The following LYPD6B variants were observed in gnomAD, a reference collection of about 807,000 sequenced individuals.
The protein encoded by LYPD6B is ly6/PLAUR domain-containing protein 6B.
Under a neutral mutation model 22.8 loss-of-function variants are expected in LYPD6B, and 17 were observed. The ratio of observed to expected loss-of-function variants is 0.75; its 90% confidence interval spans 0.51 to 1.12. LYPD6B has a LOEUF of 1.12. LYPD6B is among the 50% of genes most tolerant of loss of function. The probability of loss-of-function intolerance (pLI) is 0.00; values close to 1 mark genes in which losing one functional copy is unlikely to be tolerated. For synonymous variants in LYPD6B, 106 were observed against 91.6 expected, an observed-to-expected ratio of 1.16 and a Z score of -0.90; for missense variants, 221 against 258.3, an observed-to-expected ratio of 0.86 and a Z score of 0.99.
chr2:149,171,891 T>G (rs187113085), intron 3 of LYPD6B, among the ~76,000 whole-genome samples: 4 of 152,276 alleles, frequency 2.6e-5, no homozygotes, highest in African/African-American at 9.6e-5. Flanking sequence ...CATCCTGAAT[T>G]GCATGTCTTC....
chr2:149,113,932 G>A (rs527439207), intron 1 of LYPD6B, among the ~76,000 whole-genome samples: 4 of 152,092 alleles, frequency 2.6e-5, no homozygotes, highest in African/African-American at 4.8e-5. Flanking sequence ...GACTGAAAAC[G>A]CTTGTCCATT....
At chr2:149,166,434 T>C (rs1197110540) in intron 3 of LYPD6B, among the ~76,000 whole-genome samples, 1 of 152,156 alleles carries the variant, frequency 6.6e-6, no homozygotes, top group Non-Finnish European at 1.5e-5. Flanking sequence ...TTTTCTAATC[T>C]ATAAATTAGG....
intron 5 of LYPD6B, 73 bp from the exon 6 acceptor site, chr2:149,212,919 G>T: frequency 1.4e-6 from 2 of 1,466,834 alleles, no homozygotes; most frequent in Non-Finnish European, 1.9e-6. Flanking sequence ...TAATTGTTAA[G>T]AGATCTCTTT....
intron 1 of LYPD6B, among the ~76,000 whole-genome samples, chr2:149,091,108 T>C (rs1309855680): frequency 6.6e-6 from 1 of 152,168 alleles, no homozygotes; most frequent in Admixed American, 6.6e-5. Flanking sequence ...GCATTAGCTT[T>C]GGGGGAACTC....
chr2:149,088,892 G>A (rs1338623212), intron 1 of LYPD6B, among the ~76,000 whole-genome samples: 1 of 152,098 alleles, frequency 6.6e-6, no homozygotes, highest in East Asian at 1.9e-4. Flanking sequence ...GAGCCTTTGA[G>A]AAGAAAAGGG....
chr2:149,112,664 A>G (rs1686816626), intron 1 of LYPD6B, among the ~76,000 whole-genome samples: 1 of 152,180 alleles, frequency 6.6e-6, no homozygotes. Flanking sequence ...TTTAAGTGGA[A>G]TGACTTAAAT....
intron 1 of LYPD6B, among the ~76,000 whole-genome samples, chr2:149,079,520 AT>A (rs1685029272): frequency 6.6e-6 from 1 of 152,192 alleles, no homozygotes; most frequent in South Asian, 2.1e-4. Flanking sequence ...GACAGTGTAG[AT>A]TAATTCTATA....
chr2:149,199,430 T>A (rs1244433095), intron 3 of LYPD6B, among the ~76,000 whole-genome samples: 5 of 152,226 alleles, frequency 3.3e-5, no homozygotes, highest in Non-Finnish European at 4.4e-5. Flanking sequence ...TTGGTCCCAA[T>A]AATTTTTGAG....
At chr2:149,065,721 A>AT (rs1684289711) in intron 1 of LYPD6B, among the ~76,000 whole-genome samples, 1 of 151,936 alleles carries the variant, frequency 6.6e-6, no homozygotes. Context: ...TTATTTATTT[A>AT]TTTTTGAGGC....
chr2:149,113,275 G>A (rs749108558), intron 1 of LYPD6B, among the ~76,000 whole-genome samples: 6 of 152,066 alleles, frequency 3.9e-5, no homozygotes, highest in Admixed American at 6.6e-5. Context: ...GTCCTAGTTT[G>A]GAGGTTGAAG....
At chr2:149,122,585 A>G (rs781551378) in intron 1 of LYPD6B, among the ~76,000 whole-genome samples, 1 of 64,568 alleles carries the variant, frequency 1.5e-5, no homozygotes, top group African/African-American at 6.3e-5. Context: ...CCACCCCATG[A>G]CAGGCCCTGG....
intron 2 of LYPD6B, among the ~76,000 whole-genome samples, chr2:149,133,482 CTAGGCATTGGTA>C (rs1688156793): frequency 6.6e-6 from 1 of 152,168 alleles, no homozygotes; most frequent in South Asian, 2.1e-4. Flanking sequence ...AAGATCACAA[CTAGGCATTGGTA>C]TTGATTTCTC....
chr2:149,057,843 G>A (rs1488054901), intron 1 of LYPD6B, among the ~76,000 whole-genome samples: 2 of 152,134 alleles, frequency 1.3e-5, no homozygotes, highest in Non-Finnish European at 2.9e-5. Context: ...AGCTGGGGTG[G>A]GGATTGGTGG....
intron 2 of LYPD6B, among the ~76,000 whole-genome samples, chr2:149,156,813 A>T (rs1267566573): frequency 6.6e-6 from 1 of 152,222 alleles, no homozygotes; most frequent in East Asian, 1.9e-4. Context: ...AGCCCACAAC[A>T]GAAGGGAATT....
intron 1 of LYPD6B, among the ~76,000 whole-genome samples, chr2:149,061,592 C>G (rs143504078): frequency 3.3e-4 from 50 of 152,132 alleles, no homozygotes; most frequent in African/African-American, 1.2e-3. Flanking sequence ...GCAACTCTAC[C>G]TCTCAGTTCT....
intron 3 of LYPD6B, among the ~76,000 whole-genome samples, chr2:149,175,601 TCA>T (rs948747149): frequency 6.6e-6 from 1 of 152,088 alleles, no homozygotes; most frequent in African/African-American, 2.4e-5. Flanking sequence ...TTTAACTTTT[TCA>T]CAGTTAAGTA....
chr2:149,152,918 A>G (rs1230406176), intron 2 of LYPD6B, among the ~76,000 whole-genome samples: 1 of 152,202 alleles, frequency 6.6e-6, no homozygotes, highest in African/African-American at 2.4e-5. Flanking sequence ...TCACCTGGGC[A>G]TTGCAGTGGG....
chr2:149,175,472 G>A (rs964335284), intron 3 of LYPD6B, among the ~76,000 whole-genome samples: 1 of 151,850 alleles, frequency 6.6e-6, no homozygotes, highest in Non-Finnish European at 1.5e-5. Flanking sequence ...TGAAGGCCTG[G>A]GACATTACTG....
intron 1 of LYPD6B, chr2:149,077,489 A>C (rs1419820348): frequency 6.6e-6 from 1 of 152,208 alleles, no homozygotes; most frequent in Non-Finnish European, 1.5e-5. Context: ...AACTATAACT[A>C]TGGTTTAATT....
Sources: allele counts gnomAD v4.1 joint callset (sites outside exome capture counted in the v4.1 genomes callset), GRCh38; gene constraint gnomAD v4.1.1; transcripts MANE v1.5; gene names NCBI Gene and HGNC (gene_info 2026-07-23, HGNC 2026-07-21).